FMNL3: variants seen among roughly 807,000 people sequenced by gnomAD.
FMNL3 encodes the protein formin-like protein 3.
In FMNL3, 57 loss-of-function variants were observed where a neutral mutation model predicts 119.6. The observed-to-expected ratio is 0.48, with a 90% CI of 0.39 to 0.59. The LOEUF (loss-of-function observed/expected upper bound fraction) is 0.59. FMNL3 is among the 20% of genes least tolerant of loss of function. The pLI, the probability that FMNL3 is intolerant of heterozygous loss-of-function variation, is 0.00. For synonymous variants in FMNL3, 491 were observed against 507.3 expected (o/e 0.97, Z 0.43); for missense variants, 1,053 against 1,323.5 (o/e 0.80, Z 3.17).
intron 1 of FMNL3, among the ~76,000 whole-genome samples, chr12:49,699,320 T>G (rs1944840230): frequency 6.6e-6 from 1 of 152,136 alleles, no homozygotes; most frequent in Admixed American, 6.5e-5. Flanking sequence ...CCAAGCAACC[T>G]CAGGGGCAGG....
At position 49,647,955 on chromosome 12, in the gene FMNL3, G is replaced by A; in HGVS notation, c.2677-151C>T. 7.7e-6 allele frequency: 6 copies of A among 778,684 alleles called. No individual in the cohort carries two copies. Among genetic ancestry groups the A allele is most frequent in the Non-Finnish European group, 1.0e-5 (5 of 499,106 alleles). The allele number at this position is 778,684 out of a possible 1,614,324, so 48.2% of individuals were successfully genotyped here. A position where few individuals can be genotyped will look rare whatever the true frequency, so the allele number is the denominator to read the frequency against. On this transcript the variant is annotated intron_variant, in intron 22 of 25. Coordinates refer to ENST00000335154, the MANE Select transcript of FMNL3 (RefSeq NM_175736.5). The surrounding 1 kb of genome is among the most constrained non-coding windows in gnomAD (Gnocchi z 4.9). ...CCCTGTGAGCTGGAGGGAACCTGGGGCTCCCAAAGCTCCTGAGTATGAGTC... is the reference window on the plus strand; with the variant it reads ...CCCTGTGAGCTGGAGGGAACCTGGGACTCCCAAAGCTCCTGAGTATGAGTC...
chr12:49,639,038 CCTCT>C lies in FMNL3; in HGVS notation c.*6773_*6776del, dbSNP rs1942242872. 6.6e-6 allele frequency: 1 copy of C among 152,134 alleles called. No homozygotes were observed. Among genetic ancestry groups the C allele is most frequent in the African/African-American group, 2.4e-5 (1 of 41,422 alleles). 9.4% of individuals were successfully genotyped at this position (152,134 alleles called of 1,614,324 possible). ...GATGTATCATACTGTCCTGAGGTATCCTCTCTTTCTCTGGAACCACATGCCCCAG... is the reference window on the plus strand; with the variant it reads ...GATGTATCATACTGTCCTGAGGTATCCTTTCTCTGGAACCACATGCCCCAG... On this transcript the variant is annotated 3_prime_UTR_variant, in exon 26 of 26. Coordinates refer to ENST00000335154, the MANE Select transcript of FMNL3 (RefSeq NM_175736.5).
chr12:49,703,094 GC>G (rs1472281242), intron 1 of FMNL3, among the ~76,000 whole-genome samples: 2 of 152,180 alleles, frequency 1.3e-5, no homozygotes, highest in African/African-American at 4.8e-5. Context: ...TGCCCTGAAA[GC>G]CTCCTCCTAA....
chr12:49,651,812 C>T, intron 14 of FMNL3, 121 bp downstream of exon 14: 1 of 1,434,456 alleles, frequency 7.0e-7, no homozygotes, highest in Non-Finnish European at 9.2e-7. Context: ...ATTTTATATC[C>T]CTCCAAGTCC....
chr12:49,692,227 C>A (rs1027542397), intron 1 of FMNL3, among the ~76,000 whole-genome samples: 2 of 151,656 alleles, frequency 1.3e-5, no homozygotes, highest in African/African-American at 4.9e-5. Context: ...GTGGTGCACG[C>A]CTGTAGTCCC....
chr12:49,694,613 T>C (rs1944701487), intron 1 of FMNL3, among the ~76,000 whole-genome samples: 1 of 152,098 alleles, frequency 6.6e-6, no homozygotes, highest in Admixed American at 6.6e-5. Flanking sequence ...AGATAATTAG[T>C]ATAATAAGTA....
intron 1 of FMNL3, among the ~76,000 whole-genome samples, chr12:49,696,163 AC>A (rs1452080787): frequency 1.3e-5 from 2 of 152,240 alleles, no homozygotes; most frequent in African/African-American, 2.4e-5. Flanking sequence ...GTAATTGCAT[AC>A]AACCTACACA....
At position 49,654,002 on chromosome 12, in the gene FMNL3, G is replaced by T. The variant is rs1943489858; in HGVS notation, c.1072-128C>A. The stretch of plus-strand genomic sequence containing the variant: ...CCAAAGAGTTCCTGCTGCAGGCCAT[G>T]TCAGATTCTCGCCCCCATGGAGCTG... On this transcript the variant is annotated intron_variant, in intron 11 of 25. Coordinates refer to ENST00000335154, the MANE Select transcript of FMNL3 (RefSeq NM_175736.5). 3.7e-6 allele frequency: 5 copies of T among 1,368,702 alleles called. No homozygotes were observed. In the South Asian group the frequency reaches 7.1e-5, roughly 19 times the overall value. The allele number at this position is 1,368,702 out of a possible 1,614,324, so 84.8% of individuals were successfully genotyped here.
At chr12:49,679,517 GTCTTT>G (rs1227349429) in intron 1 of FMNL3, among the ~76,000 whole-genome samples, 90 of 127,658 alleles carry the variant, frequency 7.1e-4, no homozygotes, top group African/African-American at 2.6e-3. Flanking sequence ...CAGCATTTGT[GTCTTT>G]TTTTTTTTTT....
In FMNL3 at chr12:49,642,846, G is replaced by T; in HGVS notation, c.*2969C>A. ...AGAAGGCTCTAGTCTGAGAAAGGGA[G>T]GCAAAGCCAGATTTTAGGAAGTAGG... On this transcript the variant is annotated 3_prime_UTR_variant, in exon 26 of 26. Coordinates refer to ENST00000335154, the MANE Select transcript of FMNL3 (RefSeq NM_175736.5). This position sits in a 1 kb window ranked among gnomAD's most constrained non-coding sequence, Gnocchi z 5.8. 1 of 1,497,960 alleles carries T rather than the reference G, an allele frequency of 6.7e-7. No individual in the cohort carries two copies. The highest frequency in any genetic ancestry group is 1.2e-5 in the South Asian group (1 of 82,602). 92.8% of individuals were successfully genotyped at this position (1,497,960 alleles called of 1,614,324 possible). A position where few individuals can be genotyped will look rare whatever the true frequency, so the allele number is the denominator to read the frequency against.
chr12:49,706,192 G>T (rs908960563), intron 1 of FMNL3, among the ~76,000 whole-genome samples: 2 of 152,084 alleles, frequency 1.3e-5, no homozygotes, highest in Admixed American at 1.3e-4. Context: ...AGAACCTCTC[G>T]CTTCATAGAG....
intron 21 of FMNL3, 97 bp from the exon 22 acceptor site, chr12:49,648,450 G>A (rs564493684): frequency 1.6e-4 from 216 of 1,350,520 alleles, no homozygotes; most frequent in Non-Finnish European, 1.9e-4. Flanking sequence ...CCCTCAGCAT[G>A]GGCTCACTCA....
At chr12:49,698,309 G>A (rs566547103) in intron 1 of FMNL3, among the ~76,000 whole-genome samples, 15 of 152,204 alleles carry the variant, frequency 9.9e-5, no homozygotes, top group African/African-American at 3.6e-4. Context: ...AGAGATGGAC[G>A]TGGGGGATAA....
In FMNL3 at chr12:49,637,698, C is replaced by A; in HGVS notation, c.*8117G>T. On this transcript the variant is annotated 3_prime_UTR_variant, in exon 26 of 26. Coordinates refer to ENST00000335154, the MANE Select transcript of FMNL3 (RefSeq NM_175736.5). ...CCAGCCCCCAGGCCTTGGGAAGCTGCCGCCCGCCAGGCCCCCCTCCCTCCC... is the reference window on the plus strand; with the variant it reads ...CCAGCCCCCAGGCCTTGGGAAGCTGACGCCCGCCAGGCCCCCCTCCCTCCC... 6.8e-7 allele frequency: 1 copy of A among 1,465,328 alleles called. No homozygotes were observed. The highest frequency in any genetic ancestry group is 9.4e-7 in the Non-Finnish European group (1 of 1,060,220). 90.8% of individuals were successfully genotyped at this position (1,465,328 alleles called of 1,614,324 possible).
At chr12:49,678,451 C>T (rs370887705) in intron 1 of FMNL3, among the ~76,000 whole-genome samples, 293 of 152,142 alleles carry the variant, frequency 1.9e-3, no homozygotes, top group Middle Eastern at 6.8e-3. Flanking sequence ...CCACCACACT[C>T]GGCATTATTT....
intron 1 of FMNL3, among the ~76,000 whole-genome samples, chr12:49,677,138 T>C (rs1301182570): frequency 3.3e-5 from 5 of 152,202 alleles, no homozygotes; most frequent in African/African-American, 1.2e-4. Flanking sequence ...AAATCTACCA[T>C]CTCTAGCAAA....
intron 2 of FMNL3, among the ~76,000 whole-genome samples, chr12:49,666,545 C>T (rs368886263): frequency 3.9e-5 from 6 of 152,182 alleles, no homozygotes; most frequent in Admixed American, 2.0e-4. Context: ...TAATTGATTG[C>T]GCTTGGGAGG....
chr12:49,665,688 G>A, intron 4 of FMNL3, 144 bp downstream of exon 4: 1 of 805,796 alleles, frequency 1.2e-6, no homozygotes, highest in Non-Finnish European at 2.1e-6. Context: ...AAAGCTCTGG[G>A]GAGCCAGAAG....
Position 49,657,127 on chromosome 12 carries a change from G to A in FMNL3, c.669C>T (p.Asp223=), listed in dbSNP as rs746252336. Residue 223 remains aspartate (D), a synonymous_variant, in exon 7 of 26, where the codon GAC becomes GAT. Coordinates refer to ENST00000335154, the MANE Select transcript of FMNL3 (RefSeq NM_175736.5). ...KNSRLVSQKD[D]VHVCILCLRA... Reference sequence around the variant, plus strand: ...TGAGACAAAGGATACAGACGTGGACGTCATCCTTCTGGCTCACTAGGCGGG... The same window carrying A: ...TGAGACAAAGGATACAGACGTGGACATCATCCTTCTGGCTCACTAGGCGGG... The A allele has an allele frequency of 5.6e-6, 9 of 1,614,144 alleles. No individual in the cohort carries two copies. Among genetic ancestry groups the A allele is most frequent in the South Asian group, 2.2e-5 (2 of 91,086 alleles).
Sources: gnomAD v4.1 joint callset for allele counts (sites outside exome capture counted in the v4.1 genomes callset) on GRCh38, gnomAD v4.1.1 for gene constraint, Gnocchi (gnomAD v3.1) non-coding constraint, MANE v1.5 for transcripts, NCBI Gene and HGNC (gene_info 2026-07-23, HGNC 2026-07-21) for gene names.